The following ADAMTS16 variants were observed in gnomAD, a reference collection of about 807,000 sequenced individuals.
The protein encoded by ADAMTS16 is ADAM metallopeptidase with thrombospondin type 1 motif 16.
Under a neutral mutation model 145.8 loss-of-function variants are expected in ADAMTS16, and 94 were observed. That is an observed-to-expected ratio of 0.64 (90% CI 0.55 to 0.77). The LOEUF (loss-of-function observed/expected upper bound fraction) is 0.77. Ranked by LOEUF, ADAMTS16 falls within the 30% of genes least tolerant of loss-of-function variation. ADAMTS16 has a pLI of 0.00. For missense variants in ADAMTS16, 1,585 were observed against 1,591.5 expected (o/e 1.00, Z 0.07); for synonymous variants, 659 against 604.3 (o/e 1.09, Z -1.33).
chr5:5,288,338 T>C lies in ADAMTS16; in HGVS notation c.2790-14930T>C, dbSNP rs1739177980. Among the ~76,000 whole-genome samples, 2 of 152,218 alleles carry C rather than the reference T, an allele frequency of 1.3e-5. 1 individual carries two copies. Among genetic ancestry groups the C allele is most frequent in the South Asian group, 4.1e-4 (2 of 4,828 alleles). Reference sequence around the variant, plus strand: ...AAATGAACCTATGTTACTCATGAAATGTTTAAATTCATGTTAGACACGTAG... The same window carrying C: ...AAATGAACCTATGTTACTCATGAAACGTTTAAATTCATGTTAGACACGTAG... On this transcript the variant is annotated intron_variant, in intron 18 of 22. Coordinates refer to ENST00000274181, the MANE Select transcript of ADAMTS16 (RefSeq NM_139056.4).
Position 5,146,205 on chromosome 5 carries a change from G to A in ADAMTS16, c.251G>A (p.Arg84Gln), listed in dbSNP as rs761314278. 7 of 1,614,046 alleles carry A rather than the reference G, an allele frequency of 4.3e-6. No individual in the cohort carries two copies. The highest frequency in any genetic ancestry group is 4.0e-5 in the African/African-American group (3 of 74,910). ...TCCCATGAAATCATGCACCATCAGC[G>A]GCGGAGAAGAGCAGTGCCCGTGTCC... ...YVSHEIMHHQ[R>Q]RRRAVPVSEV... Residue 84 changes from arginine to glutamine, a missense_variant, in exon 3 of 23, where the codon CGG becomes CAG. Transcript: ENST00000274181.
At chr5:5,227,045 G>A (rs1389191260) in intron 11 of ADAMTS16, among the ~76,000 whole-genome samples, 2 of 152,228 alleles carry the variant, frequency 1.3e-5, no homozygotes, top group Non-Finnish European at 2.9e-5. Flanking sequence ...TAGGCACTTG[G>A]CCTAGTCCTT....
chr5:5,253,508 G>A (rs1365023641), intron 17 of ADAMTS16, among the ~76,000 whole-genome samples: 1 of 152,194 alleles, frequency 6.6e-6, no homozygotes, highest in East Asian at 1.9e-4. Context: ...TCAGAGGGAT[G>A]ACTGACAGAA....
At chr5:5,259,102 C>A (rs1737904210) in intron 17 of ADAMTS16, among the ~76,000 whole-genome samples, 1 of 152,126 alleles carries the variant, frequency 6.6e-6, no homozygotes, top group Admixed American at 6.5e-5. Flanking sequence ...TGGTCCACTG[C>A]TATCTCAGGG....
intron 9 of ADAMTS16, among the ~76,000 whole-genome samples, chr5:5,206,690 C>A (rs1736132126): frequency 6.6e-6 from 1 of 152,030 alleles, no homozygotes; most frequent in Non-Finnish European, 1.5e-5. Flanking sequence ...TCATGTTAGC[C>A]AGGCTGGTCT....
chr5:5,288,785 T>C (rs1186148329), intron 18 of ADAMTS16, among the ~76,000 whole-genome samples: 1 of 152,106 alleles, frequency 6.6e-6, no homozygotes, highest in African/African-American at 2.4e-5. Context: ...CTTGTAGAAA[T>C]TGTATTTATC....
rs1734101379 is a variant in ADAMTS16 at position 5,317,413 on chromosome 5, A to G, written c.3412-721A>G. 6.6e-6 allele frequency among the ~76,000 whole-genome samples: 1 copy of G among 151,952 alleles called. No homozygotes were observed. The highest frequency in any genetic ancestry group is 2.4e-5 in the African/African-American group (1 of 41,350). Reference sequence around the variant, plus strand: ...TTACTTACTTATTTATTTATTTTTGAGATGGAGTTTTGCTCTTGTTGCCCA... The same window carrying G: ...TTACTTACTTATTTATTTATTTTTGGGATGGAGTTTTGCTCTTGTTGCCCA... On this transcript the variant is annotated intron_variant, in intron 21 of 22. Transcript: ENST00000274181. The surrounding 1 kb of genome is among the most constrained non-coding windows in gnomAD (Gnocchi z 4.5).
chr5:5,164,065 T>C (rs2126531040), intron 3 of ADAMTS16, among the ~76,000 whole-genome samples: 1 of 152,340 alleles, frequency 6.6e-6, no homozygotes, highest in South Asian at 2.1e-4. Context: ...TCTTCTGAGA[T>C]GATTCCCACA....
chr5:5,230,209 G>A lies in ADAMTS16; in HGVS notation c.1702-2159G>A, dbSNP rs964338406. Among the ~76,000 whole-genome samples, 6 of 152,120 alleles carry A rather than the reference G, an allele frequency of 3.9e-5. 1 individual carries two copies. Among genetic ancestry groups the A allele is most frequent in the South Asian group, 4.2e-4 (2 of 4,818 alleles). ...ACAAACAGATCCATTATTTTATCAC[G>A]TGAATTCAGGAAAAACAGAACGTCA... is the stretch of plus-strand genomic sequence containing the variant. On this transcript the variant is annotated intron_variant, in intron 11 of 22. Transcript: ENST00000274181.
chr5:5,296,917 C>G (rs1739560821), intron 18 of ADAMTS16, among the ~76,000 whole-genome samples: 1 of 152,150 alleles, frequency 6.6e-6, no homozygotes, highest in Non-Finnish European at 1.5e-5. Context: ...AAACCGTTGG[C>G]TCAATGGGTG....
chr5:5,237,975 T>G (rs146167584), intron 14 of ADAMTS16, among the ~76,000 whole-genome samples: 67 of 152,328 alleles, frequency 4.4e-4, no homozygotes, highest in African/African-American at 1.6e-3. Context: ...TCAATCTGCA[T>G]ATCCTACGGA....
intron 17 of ADAMTS16, among the ~76,000 whole-genome samples, chr5:5,249,544 G>A (rs760117954): frequency 6.6e-6 from 1 of 152,074 alleles, no homozygotes; most frequent in African/African-American, 2.4e-5. Flanking sequence ...AATGAACGTT[G>A]GAACTGGCTG....
chr5:5,228,928 G>A (rs1736842170), intron 11 of ADAMTS16, among the ~76,000 whole-genome samples: 1 of 152,196 alleles, frequency 6.6e-6, no homozygotes, highest in Non-Finnish European at 1.5e-5. Context: ...CTTATTTGAA[G>A]GTGTTTTTAC....
rs1283193401 is a variant in ADAMTS16 at position 5,239,137 on chromosome 5, C to A, written c.2155-14C>A. On this transcript the variant is annotated splice_polypyrimidine_tract_variant and intron_variant, in intron 14 of 22. Coordinates refer to ENST00000274181, the MANE Select transcript of ADAMTS16 (RefSeq NM_139056.4). ...TTCTTTCATGAATGACATGTGACCT[C>A]ATGGGCCCTCCAGAGAGTTGGATGT... is the stretch of plus-strand genomic sequence containing the variant. 6.6e-7 allele frequency: 1 copy of A among 1,514,352 alleles called. No individual in the cohort carries two copies. The highest frequency in any genetic ancestry group is 8.8e-7 in the Non-Finnish European group (1 of 1,132,520). 93.8% of individuals were successfully genotyped at this position (1,514,352 alleles called of 1,614,324 possible).
chr5:5,177,116 G>T (rs951392421), intron 3 of ADAMTS16, among the ~76,000 whole-genome samples: 1 of 152,166 alleles, frequency 6.6e-6, no homozygotes, highest in Non-Finnish European at 1.5e-5. Flanking sequence ...TTACAAATAT[G>T]TGCTGATATC....
intron 2 of ADAMTS16, 147 bp downstream of exon 2, chr5:5,140,913 T>C (rs1380112926): frequency 1.7e-5 from 13 of 761,334 alleles, no homozygotes; most frequent in South Asian, 4.6e-5. Context: ...TTTTTTTAAC[T>C]GTATGAGCGA....
At chr5:5,164,689 T>C (rs576926527) in intron 3 of ADAMTS16, among the ~76,000 whole-genome samples, 15 of 152,258 alleles carry the variant, frequency 9.9e-5, no homozygotes, top group African/African-American at 3.6e-4. Flanking sequence ...TTTTTTCTTT[T>C]TTCTTGAGAC....
At chr5:5,245,091 G>C (rs1022421765) in intron 17 of ADAMTS16, among the ~76,000 whole-genome samples, 2 of 152,156 alleles carry the variant, frequency 1.3e-5, no homozygotes, top group African/African-American at 2.4e-5. Context: ...TACTGTCTCT[G>C]CCTTGTAAAC....
At chr5:5,265,133 C>A (rs1384126288) in intron 18 of ADAMTS16, among the ~76,000 whole-genome samples, 1 of 152,230 alleles carries the variant, frequency 6.6e-6, no homozygotes. Flanking sequence ...TAGCATGGCA[C>A]AGTTGTCAGC....
Sources: gnomAD v4.1 joint callset for allele counts (sites outside exome capture counted in the v4.1 genomes callset) on GRCh38, gnomAD v4.1.1 for gene constraint, Gnocchi (gnomAD v3.1) non-coding constraint, MANE v1.5 for transcripts, NCBI Gene and HGNC (gene_info 2026-07-23, HGNC 2026-07-21) for gene names.